Variants in DAB1 observed in about 807,000 individuals in gnomAD.
DAB1 encodes DAB adaptor protein 1, also known as disabled homolog 1.
DAB1 carries 15 observed loss-of-function variants against 64.6 expected under a neutral mutation model. That is an observed-to-expected ratio of 0.23 (90% CI 0.16 to 0.36). The LOEUF (loss-of-function observed/expected upper bound fraction) is 0.36, where lower values mean the gene tolerates loss of function less well. Ranked by LOEUF, DAB1 falls within the 10% of genes least tolerant of loss-of-function variation. The pLI is 1.00. For synonymous variants in DAB1, 235 were observed against 251.9 expected (o/e 0.93, Z 0.64); for missense variants, 596 against 706.7 (o/e 0.84, Z 1.78).
intron 5 of DAB1, among the ~76,000 whole-genome samples, chr1:58,136,360 T>C (rs1653944556): frequency 6.6e-6 from 1 of 152,122 alleles, no homozygotes; most frequent in Non-Finnish European, 1.5e-5. Flanking sequence ...GCCGAAGTAT[T>C]TTCATATGTC....
intron 7 of DAB1, among the ~76,000 whole-genome samples, chr1:57,564,982 A>G (rs1645100185): frequency 6.6e-6 from 1 of 152,186 alleles, no homozygotes; most frequent in African/African-American, 2.4e-5. Context: ...TCAGTTCACC[A>G]AAGTTGAAAT....
chr1:57,786,491 A>C (rs1336541919), intron 6 of DAB1, among the ~76,000 whole-genome samples: 1 of 152,190 alleles, frequency 6.6e-6, no homozygotes, highest in Non-Finnish European at 1.5e-5. Flanking sequence ...TGGAGATGGA[A>C]GTTTATCAAA....
intron 3 of DAB1, among the ~76,000 whole-genome samples, chr1:58,351,549 G>A (rs953848094): frequency 1.5e-4 from 23 of 151,936 alleles, no homozygotes; most frequent in Middle Eastern, 3.4e-3. Context: ...ACCTTGGCTC[G>A]GTAGATGGCT....
intron 6 of DAB1, among the ~76,000 whole-genome samples, chr1:57,688,475 A>T (rs1171636508): frequency 2.6e-5 from 4 of 152,224 alleles, no homozygotes; most frequent in Non-Finnish European, 5.9e-5. Context: ...TGGGAATGTA[A>T]ATTAGTTCAG....
intron 1 of DAB1, among the ~76,000 whole-genome samples, chr1:57,381,136 C>T (rs1356193381): frequency 6.6e-6 from 1 of 152,192 alleles, no homozygotes; most frequent in African/African-American, 2.4e-5. Flanking sequence ...GCAAAATTAC[C>T]GTGAGGCGCT....
chr1:58,170,319 T>G (rs1656092784), intron 4 of DAB1, among the ~76,000 whole-genome samples: 1 of 152,006 alleles, frequency 6.6e-6, no homozygotes, highest in Non-Finnish European at 1.5e-5. Context: ...AGGAAGAAAA[T>G]CCTTCTGCCT....
At chr1:57,987,930 G>A (rs889110417) in intron 5 of DAB1, among the ~76,000 whole-genome samples, 1 of 151,892 alleles carries the variant, frequency 6.6e-6, no homozygotes, top group African/African-American at 2.4e-5. Context: ...CTTGGGATGC[G>A]ATCGCATGCC....
intron 5 of DAB1, among the ~76,000 whole-genome samples, chr1:57,986,338 A>C (rs1002767654): frequency 6.6e-6 from 1 of 152,162 alleles, no homozygotes; most frequent in African/African-American, 2.4e-5. Context: ...ATGCCCTTAT[A>C]AAAAAGACCC....
chr1:57,615,904 C>T (rs1645786102), intron 7 of DAB1, among the ~76,000 whole-genome samples: 1 of 152,162 alleles, frequency 6.6e-6, no homozygotes, highest in Non-Finnish European at 1.5e-5. Context: ...TAATGAAATA[C>T]TATCGTCATA....
chr1:58,365,762 G>A (rs1406542211), intron 3 of DAB1, among the ~76,000 whole-genome samples: 1 of 152,094 alleles, frequency 6.6e-6, no homozygotes, highest in Non-Finnish European at 1.5e-5. Flanking sequence ...AAAATTTAAG[G>A]AGGCATTCAC....
chr1:57,879,422 T>C (rs1644106879), intron 1 of DAB1, among the ~76,000 whole-genome samples: 1 of 152,158 alleles, frequency 6.6e-6, no homozygotes, highest in Non-Finnish European at 1.5e-5. Context: ...TTAAGTATCA[T>C]AATGAACTTT....
intron 8 of DAB1, among the ~76,000 whole-genome samples, chr1:57,066,140 G>C (rs974618588): frequency 1.3e-5 from 2 of 152,114 alleles, no homozygotes; most frequent in African/African-American, 4.8e-5. Flanking sequence ...ACTTGACAAG[G>C]ATTGGATGGT....
chr1:57,508,360 C>T (rs746793972), intron 7 of DAB1, among the ~76,000 whole-genome samples: 7 of 152,136 alleles, frequency 4.6e-5, no homozygotes, highest in South Asian at 4.1e-4. Flanking sequence ...ACACAAGAGA[C>T]GCTAAAAAGT....
At chr1:57,561,327 C>A (rs1308650170) in intron 7 of DAB1, among the ~76,000 whole-genome samples, 1 of 152,160 alleles carries the variant, frequency 6.6e-6, no homozygotes, top group Non-Finnish European at 1.5e-5. Flanking sequence ...GGCAATCTTC[C>A]CAGTGGGCAG....
intron 4 of DAB1, among the ~76,000 whole-genome samples, chr1:58,220,257 A>C (rs916542369): frequency 6.6e-6 from 1 of 152,208 alleles, no homozygotes; most frequent in Non-Finnish European, 1.5e-5. Context: ...TTTTGGCTTC[A>C]TATTAGAATC....
At chr1:58,320,185 T>C (rs1052202176) in intron 4 of DAB1, among the ~76,000 whole-genome samples, 3 of 152,156 alleles carry the variant, frequency 2.0e-5, no homozygotes, top group Non-Finnish European at 2.9e-5. Context: ...TGTGCCCTGA[T>C]AGAGATACAC....
At chr1:57,204,449 T>C (rs61765583) in intron 2 of DAB1, among the ~76,000 whole-genome samples, 2 of 104,238 alleles carry the variant, frequency 1.9e-5, no homozygotes, top group East Asian at 2.4e-4. Context: ...CTGGTCTAGA[T>C]TTAAAAAAAA....
chr1:58,087,976 A>G (rs1364555684), intron 5 of DAB1, among the ~76,000 whole-genome samples: 1 of 152,206 alleles, frequency 6.6e-6, no homozygotes, highest in African/African-American at 2.4e-5. Context: ...GGGGAAGGCA[A>G]CATACGGCTA....
intron 1 of DAB1, among the ~76,000 whole-genome samples, chr1:57,313,845 T>C (rs529314499): frequency 6.6e-6 from 1 of 152,260 alleles, no homozygotes; most frequent in South Asian, 2.1e-4. Flanking sequence ...GGTGATAGGA[T>C]TCATGTTCTT....
Sources: allele counts gnomAD v4.1 joint callset (sites outside exome capture counted in the v4.1 genomes callset), GRCh38; gene constraint gnomAD v4.1.1; transcripts MANE v1.5; gene names NCBI Gene and HGNC (gene_info 2026-07-23, HGNC 2026-07-21).